VPS54: variants seen among roughly 807,000 people sequenced by gnomAD.
VPS54 encodes the protein vacuolar protein sorting-associated protein 54.
VPS54 carries 45 observed loss-of-function variants against 121.5 expected under a neutral mutation model. The ratio of observed to expected loss-of-function variants is 0.37; its 90% CI spans 0.29 to 0.47. The LOEUF (loss-of-function observed/expected upper bound fraction) is 0.47, where lower values mean the gene tolerates loss of function less well. VPS54 is among the 20% of genes least tolerant of loss of function. The pLI is 0.99. For synonymous variants in VPS54, 371 were observed against 385.8 expected (o/e 0.96, Z 0.45); for missense variants, 1,090 against 1,131.4 (o/e 0.96, Z 0.52).
At chr2:64,009,149 TC>T (rs1678309508) in intron 1 of VPS54, among the ~76,000 whole-genome samples, 31 of 152,294 alleles carry the variant, frequency 2.0e-4, no homozygotes, top group Admixed American at 1.7e-3. Context: ...GGTGCTTTCC[TC>T]TTCTGTCTTT....
chr2:63,976,350 C>CAAAAAAAAAAAAA (rs371137546), intron 3 of VPS54, among the ~76,000 whole-genome samples: 5 of 93,944 alleles, frequency 5.3e-5, no homozygotes, highest in African/African-American at 1.1e-4. Flanking sequence ...GACCTTGTCT[C>CAAAAAAAAAAAAA]AAAAAAAAAA....
At chr2:63,977,130 T>A (rs965950454) in intron 3 of VPS54, among the ~76,000 whole-genome samples, 1 of 152,054 alleles carries the variant, frequency 6.6e-6, no homozygotes, top group African/African-American at 2.4e-5. Flanking sequence ...TGCCCAGCCT[T>A]CTCTTTTTTC....
chr2:63,927,696 G>A (rs145517133), intron 12 of VPS54, among the ~76,000 whole-genome samples: 3 of 152,126 alleles, frequency 2.0e-5, no homozygotes, highest in Non-Finnish European at 2.9e-5. Flanking sequence ...TCAGAAGGTC[G>A]GTAATAACAA....
intron 20 of VPS54, among the ~76,000 whole-genome samples, chr2:63,909,611 G>A (rs574385452): frequency 6.7e-6 from 1 of 150,142 alleles, no homozygotes; most frequent in East Asian, 2.0e-4. Flanking sequence ...GTAGAGACAG[G>A]GTTTAACCAT....
At chr2:63,931,089 C>A (rs2104478131) in intron 12 of VPS54, among the ~76,000 whole-genome samples, 1 of 152,236 alleles carries the variant, frequency 6.6e-6, no homozygotes, top group East Asian at 1.9e-4. Context: ...GCCTTACTGC[C>A]AAAAGTAATT....
intron 8 of VPS54, among the ~76,000 whole-genome samples, chr2:63,947,720 G>C (rs1449227335): frequency 6.6e-6 from 1 of 152,062 alleles, no homozygotes. Context: ...AATGAAGCTG[G>C]TTTTCGGGCA....
intron 11 of VPS54, among the ~76,000 whole-genome samples, chr2:63,935,146 C>T (rs1427037957): frequency 6.6e-6 from 1 of 152,112 alleles, no homozygotes; most frequent in African/African-American, 2.4e-5. Flanking sequence ...CTTGATGACA[C>T]CAACAACCTC....
chr2:63,982,088 G>T (rs1229860771), intron 2 of VPS54, among the ~76,000 whole-genome samples: 1 of 152,112 alleles, frequency 6.6e-6, no homozygotes, highest in East Asian at 1.9e-4. Flanking sequence ...TGAAAAATAT[G>T]CACGAGATAA....
intron 1 of VPS54, among the ~76,000 whole-genome samples, chr2:63,995,364 C>T (rs545787512): frequency 1.2e-4 from 19 of 152,344 alleles, no homozygotes; most frequent in Non-Finnish European, 2.2e-4. Context: ...AATGTTGGTT[C>T]GAGCTGGAGA....
At chr2:63,970,312 T>TATATATAGATATATAGAGATATAGAG (rs1676225220) in intron 4 of VPS54, among the ~76,000 whole-genome samples, 1 of 147,676 alleles carries the variant, frequency 6.8e-6, no homozygotes, top group Non-Finnish European at 1.5e-5. Context: ...TAGATATAGA[T>TATATATAGATATATAGAGATATAGAG]AAAACCCAGG....
At chr2:63,917,480 T>G (rs1398784515) in intron 15 of VPS54, among the ~76,000 whole-genome samples, 1 of 152,048 alleles carries the variant, frequency 6.6e-6, no homozygotes, top group Non-Finnish European at 1.5e-5. Context: ...AACCCAGACG[T>G]TACTTTATTT....
rs910117952 is a variant in VPS54, at chr2:63,966,897, C to T, written c.493-931G>A. 3.3e-5 allele frequency among the ~76,000 whole-genome samples: 5 copies of T among 152,188 alleles called. No homozygotes were observed. In the East Asian group the frequency reaches 7.7e-4, roughly 23 times the overall value. ...TTACATACATACTTCTGGCCTAGAACGCCTTTTCTTGTACATCTTCCTGAA... is the reference window on the plus strand; with the variant it reads ...TTACATACATACTTCTGGCCTAGAATGCCTTTTCTTGTACATCTTCCTGAA... On this transcript the variant is annotated intron_variant, in intron 5 of 22. Coordinates refer to ENST00000272322, the MANE Select transcript of VPS54 (RefSeq NM_016516.3).
intron 3 of VPS54, among the ~76,000 whole-genome samples, chr2:63,977,984 G>A (rs1297178541): frequency 6.6e-6 from 1 of 152,176 alleles, no homozygotes; most frequent in African/African-American, 2.4e-5. Context: ...TCTGAGACAT[G>A]TAGTCCTTTC....
At chr2:64,016,135 T>C (rs1367761838) in intron 1 of VPS54, among the ~76,000 whole-genome samples, 1 of 152,200 alleles carries the variant, frequency 6.6e-6, no homozygotes, top group Non-Finnish European at 1.5e-5. Flanking sequence ...GCTGATGACC[T>C]TTAAGATCTT....
At position 63,971,046 on chromosome 2, in the gene VPS54, CCT is replaced by C. The variant is rs1676262404; in HGVS notation, c.457+1118_457+1119del. Among the ~76,000 whole-genome samples, 3 of 152,104 alleles carry C rather than the reference CCT, an allele frequency of 2.0e-5. No homozygotes were observed. In the South Asian group the frequency reaches 6.2e-4, roughly 31 times the overall value. On this transcript the variant is annotated intron_variant, in intron 4 of 22. Transcript: ENST00000272322. ...CCTCAAAATTCCTCCTCCTATATTG[CCT>C]CTCTCACTGAATTGCACTGTCACCC...
chr2:63,938,059 G>GTGGTGTGTGTGTGTGTGTGT (rs9309357), intron 11 of VPS54, among the ~76,000 whole-genome samples: 3 of 140,384 alleles, frequency 2.1e-5, no homozygotes, highest in African/African-American at 8.3e-5. Flanking sequence ...TGGTGTGTGT[G>GTGGTGTGTGTGTGTGTGTGT]GTGTGTGTGT....
At chr2:63,992,519 C>G (rs1393565985) in intron 1 of VPS54, among the ~76,000 whole-genome samples, 2 of 152,240 alleles carry the variant, frequency 1.3e-5, no homozygotes, top group Non-Finnish European at 1.5e-5. Flanking sequence ...GCCTCCTGAT[C>G]CTATTCCTTT....
At chr2:64,006,603 ATAAT>A (rs1184667025) in intron 1 of VPS54, among the ~76,000 whole-genome samples, 2 of 152,162 alleles carry the variant, frequency 1.3e-5, no homozygotes, top group Admixed American at 1.3e-4. Flanking sequence ...CATTCAATAA[ATAAT>A]TGCAACAACT....
chr2:64,005,103 T>TG lies in VPS54; in HGVS notation c.-21+13834_-21+13835insC, dbSNP rs2104686548. ...TACTATTGCTTCTTTTTTTTTTTTT[T>TG]TTTTTTTTTTTTTTTTTTGAGACGG... On this transcript the variant is annotated intron_variant, in intron 1 of 22. Coordinates refer to ENST00000272322, the MANE Select transcript of VPS54 (RefSeq NM_016516.3). 2.0e-5 allele frequency among the ~76,000 whole-genome samples: 2 copies of TG among 102,418 alleles called. 1 individual carries two copies. The highest frequency in any genetic ancestry group is 5.3e-4 in the East Asian group (2 of 3,786). 67.2% of individuals were successfully genotyped at this position (102,418 alleles called of 152,430 possible). A position where few individuals can be genotyped will look rare whatever the true frequency, so the allele number is the denominator to read the frequency against.
Sources: allele counts gnomAD v4.1 joint callset (sites outside exome capture counted in the v4.1 genomes callset), GRCh38; gene constraint gnomAD v4.1.1; transcripts MANE v1.5; gene names NCBI Gene and HGNC (gene_info 2026-07-23, HGNC 2026-07-21).